Variants in NREP observed in about 807,000 individuals in gnomAD.
NREP encodes neuronal regeneration related protein, also known as neuronal regeneration-related protein.
Under a neutral mutation model 8.6 loss-of-function variants are expected in NREP, and 5 were observed. The ratio of observed to expected loss-of-function variants is 0.58; its 90% CI spans 0.30 to 1.22. NREP has a LOEUF of 1.22. NREP is among the 50% of genes most tolerant of loss of function. The probability of loss-of-function intolerance (pLI) is 0.07; values close to 1 mark genes in which losing one functional copy is unlikely to be tolerated. For synonymous variants in NREP, 27 were observed against 28.0 expected (o/e 0.96, Z 0.11); for missense variants, 86 against 82.5 (o/e 1.04, Z -0.17).
intron 2 of NREP, among the ~76,000 whole-genome samples, chr5:111,927,554 C>T (rs149514328): frequency 6.6e-6 from 1 of 152,284 alleles, no homozygotes; most frequent in Non-Finnish European, 1.5e-5. Context: ...GCAAAAACTA[C>T]CTTCCTTTTG....
At chr5:111,942,381 G>A (rs1755853732) in intron 2 of NREP, among the ~76,000 whole-genome samples, 1 of 152,078 alleles carries the variant, frequency 6.6e-6, no homozygotes, top group Non-Finnish European at 1.5e-5. Context: ...TGCAGTCATT[G>A]CTTTGGTTCC....
intron 2 of NREP, among the ~76,000 whole-genome samples, chr5:111,802,451 G>T (rs924062425): frequency 3.3e-5 from 5 of 152,136 alleles, no homozygotes; most frequent in African/African-American, 1.2e-4. Context: ...AATGGACTTG[G>T]TACCTAATGC....
In NREP at chr5:111,770,015, G is replaced by A. The variant is rs77106468; in HGVS notation, c.136-34508C>T. Among the ~76,000 whole-genome samples the A allele has an allele frequency of 8.2e-3, 1,249 of 152,288 alleles. 10 individuals carry two copies. Among genetic ancestry groups the A allele is most frequent in the African/African-American group, 0.029 (1,189 of 41,564 alleles). ...AATCCCTGAAGATGTTCAAGAGATA[G>A]GGAGGCCGTGATTGAGATAATGTGA... On this transcript the variant is annotated intron_variant, in intron 2 of 3. Coordinates refer to the NREP transcript ENST00000395634.
intron 2 of NREP, among the ~76,000 whole-genome samples, chr5:111,850,847 G>A (rs1390549451): frequency 6.6e-6 from 1 of 152,184 alleles, no homozygotes; most frequent in Non-Finnish European, 1.5e-5. Flanking sequence ...CTGTAATGCA[G>A]TAGAAAGAAT....
intron 2 of NREP, among the ~76,000 whole-genome samples, chr5:111,951,334 T>C (rs1389768686): frequency 3.3e-5 from 5 of 152,100 alleles, no homozygotes; most frequent in Admixed American, 2.6e-4. Context: ...AACATTCTTA[T>C]ATATTTCTAT....
intron 2 of NREP, among the ~76,000 whole-genome samples, chr5:111,953,562 A>C (rs1282223988): frequency 6.6e-6 from 1 of 152,098 alleles, no homozygotes; most frequent in Non-Finnish European, 1.5e-5. Context: ...ACCGCAGGCC[A>C]ACTCTGTAAG....
At chr5:111,845,628 T>C (rs1166226126) in intron 2 of NREP, among the ~76,000 whole-genome samples, 1 of 152,166 alleles carries the variant, frequency 6.6e-6, no homozygotes, top group Non-Finnish European at 1.5e-5. Flanking sequence ...GAAGCAAAGT[T>C]TCCTTAAGAT....
intron 2 of NREP, among the ~76,000 whole-genome samples, chr5:111,913,035 G>T (rs557110474): frequency 3.3e-5 from 5 of 152,084 alleles, no homozygotes; most frequent in Non-Finnish European, 5.9e-5. Flanking sequence ...TAGCTACAAT[G>T]TGTAAGACAC....
chr5:111,861,851 A>G (rs1422071751), intron 2 of NREP, among the ~76,000 whole-genome samples: 1 of 152,152 alleles, frequency 6.6e-6, no homozygotes, highest in Non-Finnish European at 1.5e-5. Context: ...CACAGCACAG[A>G]TAGTTATTAT....
intron 2 of NREP, among the ~76,000 whole-genome samples, chr5:111,769,172 G>A (rs907592282): frequency 1.3e-5 from 2 of 152,168 alleles, no homozygotes; most frequent in East Asian, 1.9e-4. Context: ...TTGGTGTGAA[G>A]CTTCCCTGAT....
intron 2 of NREP, among the ~76,000 whole-genome samples, chr5:111,861,864 T>C (rs1286258117): frequency 6.6e-6 from 1 of 152,182 alleles, no homozygotes; most frequent in Non-Finnish European, 1.5e-5. Context: ...GTTATTATAG[T>C]TCTGACTATG....
rs1234147398 is a variant in NREP, at chr5:111,739,283, ATGGC to A, written c.4-3780_4-3777del. On this transcript the variant is annotated intron_variant, in intron 2 of 3. Coordinates refer to ENST00000257435, the MANE Select transcript of NREP (RefSeq NM_004772.4). ...GTGAGCACATCTGGGAGGGCATTTG[ATGGC>A]TGTCAGAATCAGCCAAGGAAGATGA... is the stretch of plus-strand genomic sequence containing the variant. 7 of 152,354 alleles carry A rather than the reference ATGGC, an allele frequency of 4.6e-5. No individual in the cohort carries two copies. In the East Asian group the frequency reaches 1.2e-3, roughly 25 times the overall value. 9.4% of individuals were successfully genotyped at this position (152,354 alleles called of 1,614,324 possible).
chr5:111,923,365 G>A (rs956458404), intron 2 of NREP, among the ~76,000 whole-genome samples: 1 of 152,174 alleles, frequency 6.6e-6, no homozygotes, highest in Non-Finnish European at 1.5e-5. Context: ...ATTTCCCTGA[G>A]ATCCTCCATG....
At chr5:111,753,058 CA>C (rs922857798) in intron 2 of NREP, among the ~76,000 whole-genome samples, 77 of 143,906 alleles carry the variant, frequency 5.4e-4, no homozygotes, top group Middle Eastern at 3.5e-3. Context: ...CTACTAATTG[CA>C]AAAAAAAACA....
intron 3 of NREP, chr5:111,732,152 G>T (rs1748650004): frequency 6.6e-6 from 1 of 151,962 alleles, no homozygotes; most frequent in Non-Finnish European, 1.5e-5. Context: ...AGTTTGACTA[G>T]ATGTAAAGTA....
intron 2 of NREP, among the ~76,000 whole-genome samples, chr5:111,931,419 C>T (rs1338338328): frequency 1.3e-5 from 2 of 152,038 alleles, no homozygotes; most frequent in East Asian, 3.9e-4. Context: ...AAGGCGAGGC[C>T]CACATGGTGT....
At chr5:111,744,441 A>C (rs1749875662) in intron 2 of NREP, among the ~76,000 whole-genome samples, 1 of 152,146 alleles carries the variant, frequency 6.6e-6, no homozygotes. Context: ...TAAAGAAGAA[A>C]AAATATATCC....
At chr5:111,757,694 A>G, upstream of NREP, 1 of 983,902 alleles carries the variant, frequency 1.0e-6, no homozygotes. Flanking sequence ...CGCCCCGGGG[A>G]GACAAAGCGG....
At chr5:111,779,843 C>T (rs1183080075) in intron 2 of NREP, among the ~76,000 whole-genome samples, 1 of 152,224 alleles carries the variant, frequency 6.6e-6, no homozygotes, top group Non-Finnish European at 1.5e-5. Context: ...AAGAACATAG[C>T]TTACCTATTA....
Sources: allele counts gnomAD v4.1 joint callset (sites outside exome capture counted in the v4.1 genomes callset), GRCh38; gene constraint gnomAD v4.1.1; transcripts MANE v1.5; gene names NCBI Gene and HGNC (gene_info 2026-07-23, HGNC 2026-07-21).